The following ACYP2 variants were observed in gnomAD, a reference collection of about 807,000 sequenced individuals.
The protein encoded by ACYP2 is acylphosphatase-2.
A neutral mutation model predicts 11.2 loss-of-function variants in ACYP2; 12 were observed. The observed-to-expected ratio is 1.08, with a 90% confidence interval of 0.69 to 1.74. The LOEUF is 1.74. ACYP2 is among the 40% of genes most tolerant of loss of function. The pLI is 0.00. For synonymous variants in ACYP2, 43 were observed against 32.2 expected (o/e 1.33, Z -1.13); for missense variants, 134 against 101.9 (o/e 1.31, Z -1.35).
intron 4 of ACYP2, among the ~76,000 whole-genome samples, chr2:54,108,029 A>G (rs1343947480): frequency 2.0e-5 from 3 of 152,174 alleles, no homozygotes; most frequent in African/African-American, 4.8e-5. Context: ...GCTTGCTATG[A>G]TATTAATTAG....
intron 6 of ACYP2, among the ~76,000 whole-genome samples, chr2:54,214,187 G>A (rs1248703792): frequency 6.6e-6 from 1 of 152,138 alleles, no homozygotes; most frequent in African/African-American, 2.4e-5. Flanking sequence ...CCATTCCATA[G>A]GTTGTCTGTT....
chr2:54,141,765 G>T, intron 6 of ACYP2: 2 of 445,622 alleles, frequency 4.5e-6, no homozygotes, highest in Non-Finnish European at 8.1e-6. Flanking sequence ...TATTTAACTG[G>T]AATTCTATTC....
chr2:53,973,695 T>A, intron 1 of ACYP2: 1 of 268,650 alleles, frequency 3.7e-6, no homozygotes, highest in Admixed American at 5.3e-5. Context: ...CAACACCCTT[T>A]GCTGACTCCT....
intron 4 of ACYP2, among the ~76,000 whole-genome samples, chr2:54,066,900 AG>A: frequency 6.6e-6 from 1 of 152,358 alleles, no homozygotes. Flanking sequence ...TAAAAACATT[AG>A]AGTAGCTCCA....
At chr2:54,078,767 T>C (rs1438428942) in intron 4 of ACYP2, among the ~76,000 whole-genome samples, 1 of 152,016 alleles carries the variant, frequency 6.6e-6, no homozygotes, top group Non-Finnish European at 1.5e-5. Flanking sequence ...CCCGCTAATT[T>C]TTCTATTTTT....
chr2:54,257,875 G>C (rs940868429), intron 6 of ACYP2, among the ~76,000 whole-genome samples: 6 of 152,164 alleles, frequency 3.9e-5, no homozygotes, highest in African/African-American at 1.4e-4. Context: ...TAAACAAATG[G>C]AATCAGTAGC....
At chr2:54,183,398 G>A (rs1327490463) in intron 6 of ACYP2, among the ~76,000 whole-genome samples, 1 of 151,982 alleles carries the variant, frequency 6.6e-6, no homozygotes, top group Non-Finnish European at 1.5e-5. Context: ...TCAGGCACAT[G>A]GCTTATGCCT....
At chr2:54,141,210 T>G (rs1303697319) in intron 6 of ACYP2, among the ~76,000 whole-genome samples, 1 of 152,230 alleles carries the variant, frequency 6.6e-6, no homozygotes, top group Non-Finnish European at 1.5e-5. Context: ...CATTATCTGT[T>G]ATTGCTTTTG....
chr2:54,227,475 C>T (rs1686057581), intron 6 of ACYP2, among the ~76,000 whole-genome samples: 1 of 152,018 alleles, frequency 6.6e-6, no homozygotes, highest in Non-Finnish European at 1.5e-5. Flanking sequence ...CCCGTCTCTA[C>T]TAAAATACAA....
intron 6 of ACYP2, among the ~76,000 whole-genome samples, chr2:54,163,747 T>C (rs1682830878): frequency 6.6e-6 from 1 of 151,758 alleles, no homozygotes; most frequent in Admixed American, 6.6e-5. Flanking sequence ...TGTCAGCTAC[T>C]AGGGAGGCTG....
chr2:54,045,375 T>G (rs1457569855), intron 2 of ACYP2, among the ~76,000 whole-genome samples: 1 of 152,204 alleles, frequency 6.6e-6, no homozygotes, highest in Non-Finnish European at 1.5e-5. Flanking sequence ...CCCTCCTGTC[T>G]CAGTGTATTG....
chr2:54,205,416 C>T (rs1026904541), intron 6 of ACYP2, among the ~76,000 whole-genome samples: 1 of 152,206 alleles, frequency 6.6e-6, no homozygotes, highest in African/African-American at 2.4e-5. Context: ...TGTTCTTGTC[C>T]TTGGTTTCTC....
intron 6 of ACYP2, chr2:54,142,107 C>T (rs1681642410): frequency 5.1e-6 from 2 of 391,774 alleles, no homozygotes; most frequent in African/African-American, 2.1e-5. Context: ...CTCTTGGCTT[C>T]AAATGACTTT....
intron 4 of ACYP2, among the ~76,000 whole-genome samples, chr2:54,121,792 A>C (rs996381311): frequency 7.9e-5 from 12 of 152,232 alleles, no homozygotes; most frequent in African/African-American, 2.9e-4. Context: ...ATCTGTGTAC[A>C]CTTGTATGTG....
At chr2:54,252,289 T>C (rs1687262398) in intron 6 of ACYP2, among the ~76,000 whole-genome samples, 1 of 152,172 alleles carries the variant, frequency 6.6e-6, no homozygotes, top group Non-Finnish European at 1.5e-5. Context: ...TTTTAAAAAA[T>C]TGGGTTTTTT....
intron 6 of ACYP2, among the ~76,000 whole-genome samples, chr2:54,284,272 G>C (rs1688982200): frequency 6.6e-6 from 1 of 152,196 alleles, no homozygotes; most frequent in Non-Finnish European, 1.5e-5. Context: ...ATGCATCACT[G>C]ATCACTGCAC....
chr2:54,072,558 TCTTTC>T (rs1188663927), intron 4 of ACYP2, among the ~76,000 whole-genome samples: 2 of 150,766 alleles, frequency 1.3e-5, no homozygotes, highest in African/African-American at 4.9e-5. Context: ...TTCATTATTT[TCTTTC>T]TTCTTTTTTT....
intron 3 of ACYP2, chr2:54,051,889 A>C (rs976478094): frequency 3.7e-6 from 1 of 268,448 alleles, no homozygotes; most frequent in African/African-American, 2.3e-5. Context: ...TACTAAAAAA[A>C]TACAAAAATT....
chr2:54,200,796 G>C (rs1442001390), intron 6 of ACYP2, among the ~76,000 whole-genome samples: 2 of 152,074 alleles, frequency 1.3e-5, no homozygotes, highest in African/African-American at 4.8e-5. Flanking sequence ...TGGGTTATTT[G>C]GCAACTCTAT....
Sources: gnomAD v4.1 joint callset for allele counts (sites outside exome capture counted in the v4.1 genomes callset) on GRCh38, gnomAD v4.1.1 for gene constraint, MANE v1.5 for transcripts, NCBI Gene and HGNC (gene_info 2026-07-23, HGNC 2026-07-21) for gene names.